Variants in COBL observed in about 807,000 individuals in gnomAD.
COBL encodes the protein protein cordon-bleu.
A neutral mutation model predicts 98.8 loss-of-function variants in COBL; 51 were observed. The ratio of observed to expected loss-of-function variants is 0.52; its 90% CI spans 0.41 to 0.65. The LOEUF is 0.65. Ranked by LOEUF, COBL falls within the 30% of genes least tolerant of loss-of-function variation. COBL has a pLI of 0.00. For synonymous variants in COBL, 634 were observed against 651.7 expected (o/e 0.97, Z 0.41); for missense variants, 1,617 against 1,617.5 (o/e 1.00, Z 0.01).
chr7:51,085,112 T>G lies in COBL; in HGVS notation c.1096+54A>C, dbSNP rs539648256. 27 of 1,611,474 alleles carry G rather than the reference T, an allele frequency of 1.7e-5. No individual in the cohort carries two copies. The East Asian group carries it at 6.0e-4, about 36-fold the overall frequency. On this transcript the variant is annotated intron_variant, in intron 7 of 12. Coordinates refer to ENST00000265136, the MANE Select transcript of COBL (RefSeq NM_015198.5). ...CAGGAGTTCACATCAGAGCTGACAT[T>G]CCAGGACAGAGCAAGCATCCCCGCA... is the stretch of plus-strand genomic sequence containing the variant.
At chr7:51,245,803 G>A (rs182271005) in intron 1 of COBL, among the ~76,000 whole-genome samples, 2 of 152,238 alleles carry the variant, frequency 1.3e-5, no homozygotes, top group Admixed American at 1.3e-4. Context: ...AAGGCACCTC[G>A]CAAACCATAT....
chr7:51,277,548 A>G (rs1799421629), intron 1 of COBL, among the ~76,000 whole-genome samples: 1 of 152,234 alleles, frequency 6.6e-6, no homozygotes, highest in Non-Finnish European at 1.5e-5. Context: ...ACGCAGCAAG[A>G]GTCGGTGCCC....
chr7:51,126,110 T>A (rs1000651041), intron 6 of COBL, among the ~76,000 whole-genome samples: 6 of 152,172 alleles, frequency 3.9e-5, no homozygotes, highest in African/African-American at 1.2e-4. Context: ...AACAGATTAC[T>A]TGAGGTCAGG....
chr7:51,106,611 G>A (rs1008402065), intron 6 of COBL, among the ~76,000 whole-genome samples: 5 of 152,084 alleles, frequency 3.3e-5, no homozygotes, highest in Admixed American at 2.6e-4. Flanking sequence ...TTCTGCCATC[G>A]ATTCTGCTTT....
chr7:51,222,446 A>G (rs890994142), intron 1 of COBL, among the ~76,000 whole-genome samples: 1 of 152,164 alleles, frequency 6.6e-6, no homozygotes, highest in African/African-American at 2.4e-5. Flanking sequence ...TGATATTCCT[A>G]TTTTATAGCT....
At chr7:51,266,952 A>G (rs1798270084) in intron 1 of COBL, among the ~76,000 whole-genome samples, 1 of 152,132 alleles carries the variant, frequency 6.6e-6, no homozygotes, top group African/African-American at 2.4e-5. Context: ...GCTTCTTAAT[A>G]ACATACGATT....
chr7:51,261,695 G>A (rs752513573), intron 1 of COBL, among the ~76,000 whole-genome samples: 3 of 152,084 alleles, frequency 2.0e-5, no homozygotes, highest in South Asian at 2.1e-4. Flanking sequence ...GGCCAGGCGC[G>A]GTGGCTCACG....
intron 1 of COBL, among the ~76,000 whole-genome samples, chr7:51,312,061 C>A (rs1234946386): frequency 6.6e-6 from 1 of 152,038 alleles, no homozygotes; most frequent in Non-Finnish European, 1.5e-5. Flanking sequence ...CAGTGGCTCA[C>A]ACCTGTAATC....
chr7:51,051,595 T>C (rs1209066884), intron 7 of COBL, among the ~76,000 whole-genome samples: 1 of 152,286 alleles, frequency 6.6e-6, no homozygotes, highest in Non-Finnish European at 1.5e-5. Flanking sequence ...AACTCTTGGC[T>C]GTCTTTCCTG....
chr7:51,285,650 T>C (rs955702130), intron 1 of COBL, among the ~76,000 whole-genome samples: 4 of 152,222 alleles, frequency 2.6e-5, no homozygotes, highest in African/African-American at 4.8e-5. Flanking sequence ...GAGAGACATA[T>C]ATTCATTGGT....
At chr7:51,239,837 TATTG>T (rs1445548160) in intron 1 of COBL, among the ~76,000 whole-genome samples, 1 of 152,236 alleles carries the variant, frequency 6.6e-6, no homozygotes, top group Non-Finnish European at 1.5e-5. Flanking sequence ...CACGTTGTTT[TATTG>T]ATTGTCTAGA....
chr7:51,219,857 C>T lies in COBL; in HGVS notation c.129G>A (p.Gly43=). The T allele has an allele frequency of 6.2e-7, 1 of 1,613,802 alleles. No homozygotes were observed. The highest frequency in any genetic ancestry group is 8.5e-7 in the Non-Finnish European group (1 of 1,180,038). The change falls in exon 2 of 13, where the codon GGG becomes GGA. Residue 43 remains glycine (G), a synonymous_variant. Coordinates refer to ENST00000265136, the MANE Select transcript of COBL (RefSeq NM_015198.5). ...VHSDQKPPHD[G]ALGSQQNLVR... ...CCAAGTTCTGCTGCGACCCGAGGGC[C>T]CCATCGTGGGGGGGCTTCTGGTCAC... is the stretch of plus-strand genomic sequence containing the variant.
chr7:51,195,258 T>C (rs1299571322), intron 2 of COBL, among the ~76,000 whole-genome samples: 2 of 152,216 alleles, frequency 1.3e-5, no homozygotes, highest in Non-Finnish European at 2.9e-5. Flanking sequence ...CCCAGCACCA[T>C]TTATTGAATA....
intron 2 of COBL, among the ~76,000 whole-genome samples, chr7:51,202,450 T>G (rs1478143679): frequency 6.6e-6 from 1 of 152,218 alleles, no homozygotes; most frequent in African/African-American, 2.4e-5. Context: ...AATTAAATTT[T>G]ATTATAGATG....
intron 1 of COBL, among the ~76,000 whole-genome samples, chr7:51,295,797 G>A (rs1410189223): frequency 2.0e-5 from 3 of 152,122 alleles, no homozygotes; most frequent in South Asian, 2.1e-4. Flanking sequence ...TCAAATCCTG[G>A]CAGCCTCACA....
chr7:51,312,569 G>A (rs995457566), intron 1 of COBL, among the ~76,000 whole-genome samples: 2 of 151,972 alleles, frequency 1.3e-5, no homozygotes, highest in African/African-American at 4.8e-5. Flanking sequence ...TACTTATTAC[G>A]GTGTATAGAT....
Position 51,136,479 on chromosome 7 carries a change from C to T in COBL, c.784-148G>A, listed in dbSNP as rs185056938. The T allele has an allele frequency of 1.4e-5, 11 of 808,894 alleles. No individual in the cohort carries two copies. The Admixed American group carries it at 3.3e-4, about 24-fold the overall frequency. The allele number at this position is 808,894 out of a possible 1,614,324, so 50.1% of individuals were successfully genotyped here. A position where few individuals can be genotyped will look rare whatever the true frequency, so the allele number is the denominator to read the frequency against. On this transcript the variant is annotated intron_variant, in intron 5 of 12. Coordinates refer to ENST00000265136, the MANE Select transcript of COBL (RefSeq NM_015198.5). Reference sequence around the variant, plus strand: ...AGTCAGCTTGAATGGTCTGAGCAAGCCCTGCCTGTAGCTTTCCAGGGAAAA... The same window carrying T: ...AGTCAGCTTGAATGGTCTGAGCAAGTCCTGCCTGTAGCTTTCCAGGGAAAA...
intron 5 of COBL, among the ~76,000 whole-genome samples, chr7:51,181,826 C>T (rs1352737969): frequency 2.6e-5 from 4 of 152,014 alleles, no homozygotes; most frequent in African/African-American, 2.4e-5. Flanking sequence ...TCACTGACTG[C>T]GCCTTCACTG....
At chr7:51,201,608 G>T (rs1208579902) in intron 2 of COBL, among the ~76,000 whole-genome samples, 1 of 152,056 alleles carries the variant, frequency 6.6e-6, no homozygotes, top group East Asian at 1.9e-4. Flanking sequence ...AAACACTATA[G>T]ACCACATTGA....
Sources: allele counts gnomAD v4.1 joint callset (sites outside exome capture counted in the v4.1 genomes callset), GRCh38; gene constraint gnomAD v4.1.1; transcripts MANE v1.5; gene names NCBI Gene and HGNC (gene_info 2026-07-23, HGNC 2026-07-21).